Variants in RCAN2 observed in about 807,000 individuals in gnomAD.
The protein encoded by RCAN2 is regulator of calcineurin 2, also known as calcipressin-2.
Under a neutral mutation model 23.6 loss-of-function variants are expected in RCAN2, and 9 were observed. The observed-to-expected ratio is 0.38, with a 90% CI of 0.23 to 0.67. The LOEUF (loss-of-function observed/expected upper bound fraction) is 0.67, where lower values mean the gene tolerates loss of function less well. Among genes scored for constraint, RCAN2 ranks in the 30% least tolerant of loss-of-function variants. The pLI is 0.51. For missense variants in RCAN2, 273 were observed against 302.3 expected, an observed-to-expected ratio of 0.90 and a Z score of 0.72; for synonymous variants, 109 against 115.7, an observed-to-expected ratio of 0.94 and a Z score of 0.37.
rs1762609481 is a variant in RCAN2, at chr6:46,292,774, C to G, written c.226-43878G>C. Among the ~76,000 whole-genome samples the G allele has an allele frequency of 3.3e-5, 5 of 152,032 alleles. No individual in the cohort carries two copies. The South Asian group carries it at 1.0e-3, about 32-fold the overall frequency. On this transcript the variant is annotated intron_variant, in intron 2 of 4. Transcript: ENST00000371374. ...TTCTGGGATACATGTGCAGAACGTG[C>G]AGGTTTGTTACATAGGTATACATGT...
intron 4 of RCAN2, among the ~76,000 whole-genome samples, chr6:46,238,777 C>T (rs1766195611): frequency 6.6e-6 from 1 of 152,132 alleles, no homozygotes; most frequent in Admixed American, 6.5e-5. Flanking sequence ...TGGTCTCAAA[C>T]TCCTAGGCTC....
At chr6:46,352,406 G>A (rs534197912) in intron 2 of RCAN2, among the ~76,000 whole-genome samples, 111 of 152,086 alleles carry the variant, frequency 7.3e-4, no homozygotes, top group African/African-American at 2.3e-3. Flanking sequence ...ATCCCACCCC[G>A]TCCTCCTTCC....
At chr6:46,243,949 G>A (rs1218104734) in intron 4 of RCAN2, among the ~76,000 whole-genome samples, 12 of 152,128 alleles carry the variant, frequency 7.9e-5, no homozygotes, top group South Asian at 2.1e-4. Context: ...GCCAGCTGGC[G>A]GAGTGTGAAG....
At chr6:46,387,217 A>G (rs532360764) in intron 2 of RCAN2, among the ~76,000 whole-genome samples, 15 of 152,336 alleles carry the variant, frequency 9.8e-5, no homozygotes, top group South Asian at 2.1e-4. Context: ...CTAAAACACC[A>G]AAAGCAATGG....
intron 2 of RCAN2, among the ~76,000 whole-genome samples, chr6:46,392,998 A>G (rs932103213): frequency 1.3e-5 from 2 of 152,338 alleles, no homozygotes; most frequent in East Asian, 1.9e-4. Context: ...TAAGGGATCT[A>G]TAATAAAGGA....
chr6:46,426,334 C>T (rs1328603145), intron 2 of RCAN2, among the ~76,000 whole-genome samples: 1 of 152,178 alleles, frequency 6.6e-6, no homozygotes, highest in Non-Finnish European at 1.5e-5. Flanking sequence ...AATTGCATTT[C>T]ATTATGTATA....
intron 4 of RCAN2, among the ~76,000 whole-genome samples, chr6:46,229,015 T>A (rs1765779391): frequency 6.6e-6 from 1 of 152,182 alleles, no homozygotes; most frequent in South Asian, 2.1e-4. Context: ...ATTTTATTTC[T>A]CCTTCACTTA....
At chr6:46,385,383 C>A (rs1173475229) in intron 2 of RCAN2, among the ~76,000 whole-genome samples, 1 of 152,152 alleles carries the variant, frequency 6.6e-6, no homozygotes, top group Non-Finnish European at 1.5e-5. Context: ...ACTATTCAGG[C>A]TAGAAGGGGC....
chr6:46,236,639 G>C (rs370104871), intron 4 of RCAN2, among the ~76,000 whole-genome samples: 1 of 152,108 alleles, frequency 6.6e-6, no homozygotes, highest in Non-Finnish European at 1.5e-5. Flanking sequence ...AGAGCATCAC[G>C]CTTGGTCATT....
At chr6:46,347,089 A>G (rs1336076851) in intron 2 of RCAN2, among the ~76,000 whole-genome samples, 1 of 152,102 alleles carries the variant, frequency 6.6e-6, no homozygotes, top group South Asian at 2.1e-4. Context: ...GTTAGCCAGG[A>G]TAGTCTCAAT....
chr6:46,290,476 T>C (rs1273793377), intron 2 of RCAN2, among the ~76,000 whole-genome samples: 3 of 152,236 alleles, frequency 2.0e-5, no homozygotes, highest in South Asian at 4.1e-4. Context: ...TGTTCAGTGA[T>C]AAATGGAAGC....
At chr6:46,384,448 C>T (rs1372571956) in intron 2 of RCAN2, among the ~76,000 whole-genome samples, 5 of 152,186 alleles carry the variant, frequency 3.3e-5, no homozygotes, top group Non-Finnish European at 5.9e-5. Flanking sequence ...TGTTCATATT[C>T]CTGCATCTCA....
chr6:46,316,760 A>G (rs1763452640), intron 2 of RCAN2, among the ~76,000 whole-genome samples: 1 of 152,246 alleles, frequency 6.6e-6, no homozygotes, highest in Admixed American at 6.5e-5. Flanking sequence ...CTCATGGGTT[A>G]TGTGTCCTGT....
intron 2 of RCAN2, among the ~76,000 whole-genome samples, chr6:46,384,870 T>A (rs532990863): frequency 3.3e-5 from 5 of 152,242 alleles, no homozygotes; most frequent in African/African-American, 1.2e-4. Flanking sequence ...TATACATTCG[T>A]CAAAATCACA....
intron 4 of RCAN2, among the ~76,000 whole-genome samples, chr6:46,239,613 T>TC (rs1279006563): frequency 6.6e-6 from 1 of 151,856 alleles, no homozygotes; most frequent in African/African-American, 2.4e-5. Context: ...TTTCCTTTCC[T>TC]CCCCCTCCTC....
intron 4 of RCAN2, among the ~76,000 whole-genome samples, chr6:46,245,160 C>A (rs1264011060): frequency 1.3e-5 from 2 of 152,178 alleles, no homozygotes; most frequent in Admixed American, 1.3e-4. Context: ...TTGCTTCTTT[C>A]ATCAGCACAT....
At chr6:46,386,054 C>A (rs1765735513) in intron 2 of RCAN2, among the ~76,000 whole-genome samples, 3 of 151,938 alleles carry the variant, frequency 2.0e-5, no homozygotes, top group African/African-American at 7.3e-5. Flanking sequence ...TTCCGCACAG[C>A]AAAAGAAACT....
chr6:46,443,800 G>C (rs1767621275), intron 2 of RCAN2, among the ~76,000 whole-genome samples: 1 of 152,198 alleles, frequency 6.6e-6, no homozygotes, highest in Non-Finnish European at 1.5e-5. Flanking sequence ...CTTCTACATG[G>C]AAGTTTGTGC....
intron 2 of RCAN2, among the ~76,000 whole-genome samples, chr6:46,256,271 C>T (rs1582036284): frequency 6.6e-6 from 1 of 151,906 alleles, no homozygotes; most frequent in Admixed American, 6.6e-5. Context: ...TTGGGAGGCT[C>T]AGGCAGGAGA....
Sources: gnomAD v4.1 joint callset for allele counts (sites outside exome capture counted in the v4.1 genomes callset) on GRCh38, gnomAD v4.1.1 for gene constraint, MANE v1.5 for transcripts, NCBI Gene and HGNC (gene_info 2026-07-23, HGNC 2026-07-21) for gene names.